Variants in MAPK10 observed in about 807,000 individuals in gnomAD.
The protein encoded by MAPK10 is mitogen-activated protein kinase 10, also known as JNK3 alpha protein kinase.
In MAPK10, 25 loss-of-function variants were observed where a neutral mutation model predicts 59.3. The observed-to-expected ratio is 0.42, with a 90% CI of 0.31 to 0.59. MAPK10 has a LOEUF of 0.59. Among genes scored for constraint, MAPK10 ranks in the 20% least tolerant of loss-of-function variants. MAPK10 has a pLI of 0.15. For missense variants in MAPK10, 351 were observed against 568.9 expected (o/e 0.62, Z 3.90); for synonymous variants, 190 against 200.5 (o/e 0.95, Z 0.44).
intron 11 of MAPK10, among the ~76,000 whole-genome samples, chr4:86,035,520 A>AG (rs1469267980): frequency 1.3e-5 from 2 of 151,892 alleles, no homozygotes; most frequent in Non-Finnish European, 2.9e-5. Context: ...GAGAAGAGGT[A>AG]GGGAGCCATT....
chr4:86,114,977 A>G (rs868802842), intron 4 of MAPK10, among the ~76,000 whole-genome samples: 10 of 152,244 alleles, frequency 6.6e-5, no homozygotes, highest in African/African-American at 2.4e-4. Context: ...ATGTGCTGCT[A>G]TGGGAAATTC....
At chr4:86,081,114 T>G (rs925489351) in intron 9 of MAPK10, 1 of 151,858 alleles carries the variant, frequency 6.6e-6, no homozygotes, top group Non-Finnish European at 1.5e-5. Context: ...GGACTTAACA[T>G]CCCCCTGCAA....
At chr4:86,256,424 T>A (rs1318835312) in intron 2 of MAPK10, among the ~76,000 whole-genome samples, 8 of 152,170 alleles carry the variant, frequency 5.3e-5, no homozygotes. Context: ...AATTATCCTG[T>A]TTTAAAATTG....
chr4:86,545,220 T>C (rs1002643932), intron 1 of MAPK10, among the ~76,000 whole-genome samples: 1 of 152,256 alleles, frequency 6.6e-6, no homozygotes, highest in Non-Finnish European at 1.5e-5. Context: ...CTTGTTTACA[T>C]GAAAATGTTC....
intron 1 of MAPK10, among the ~76,000 whole-genome samples, chr4:86,459,937 T>C (rs1751583515): frequency 6.6e-6 from 1 of 151,826 alleles, no homozygotes; most frequent in African/African-American, 2.4e-5. Flanking sequence ...AATTAAAAAA[T>C]AAACTTCTAA....
chr4:86,090,852 A>G (rs1228700106), intron 9 of MAPK10: 1 of 152,138 alleles, frequency 6.6e-6, no homozygotes, highest in African/African-American at 2.4e-5. Flanking sequence ...TAGAAAAAAA[A>G]TGGTTTCTGC....
intron 1 of MAPK10, among the ~76,000 whole-genome samples, chr4:86,393,929 G>A (rs1260396695): frequency 6.6e-6 from 1 of 152,164 alleles, no homozygotes; most frequent in Non-Finnish European, 1.5e-5. Context: ...AACATTAAGA[G>A]CATAACACTT....
chr4:86,507,646 AT>A (rs1755871891), intron 1 of MAPK10, among the ~76,000 whole-genome samples: 1 of 90,540 alleles, frequency 1.1e-5, no homozygotes, highest in African/African-American at 4.5e-5. Flanking sequence ...ATATATATAT[AT>A]ATATATATAT....
chr4:86,519,505 G>A (rs766442771), intron 1 of MAPK10, among the ~76,000 whole-genome samples: 43 of 152,248 alleles, frequency 2.8e-4, no homozygotes, highest in Non-Finnish European at 5.6e-4. Flanking sequence ...TTAAGTTTAT[G>A]TGAGTCCTTA....
chr4:86,458,114 A>G (rs939435779), upstream of MAPK10: 4 of 152,266 alleles, frequency 2.6e-5, no homozygotes, highest in African/African-American at 9.7e-5. Flanking sequence ...CCTGGCCAAC[A>G]TGGTGAAACT....
Position 86,411,167 on chromosome 4 carries a change from T to C in MAPK10, c.-122+41863A>G, listed in dbSNP as rs1564821274. On this transcript the variant is annotated intron_variant, in intron 1 of 13. Coordinates refer to the MAPK10 transcript ENST00000361569. ...CTTAATTTTGTTGTTTACCCAGTAG[T>C]GAATCAGGAGCAGGTTGTTCAGTTT... Among the ~76,000 whole-genome samples, 3 of 152,242 alleles carry C rather than the reference T, an allele frequency of 2.0e-5. 1 individual carries two copies. The highest frequency in any genetic ancestry group is 1.3e-4 in the Admixed American group (2 of 15,292).
chr4:86,321,723 C>G (rs1464659490), intron 2 of MAPK10: 3 of 151,666 alleles, frequency 2.0e-5, no homozygotes, highest in African/African-American at 7.3e-5. Flanking sequence ...TACCCTAAAA[C>G]TCAAAGTATA....
At chr4:86,544,930 C>T (rs1172711044) in intron 1 of MAPK10, among the ~76,000 whole-genome samples, 1 of 150,102 alleles carries the variant, frequency 6.7e-6, no homozygotes, top group Non-Finnish European at 1.5e-5. Context: ...TTCAGACTTG[C>T]TTCCAAAGGA....
chr4:86,058,973 C>G (rs2045192091), intron 11 of MAPK10, among the ~76,000 whole-genome samples: 2 of 152,250 alleles, frequency 1.3e-5, no homozygotes, highest in South Asian at 2.1e-4. Flanking sequence ...TGAAAAGTTG[C>G]TACTCTGAAT....
At chr4:86,413,729 T>A (rs926680103) in intron 1 of MAPK10, among the ~76,000 whole-genome samples, 3 of 152,184 alleles carry the variant, frequency 2.0e-5, no homozygotes, top group Non-Finnish European at 4.4e-5. Flanking sequence ...GAGCCAGGCA[T>A]GGGACTGTAT....
chr4:86,194,146 C>T, intron 3 of MAPK10, 190 bp downstream of exon 3: 5 of 573,068 alleles, frequency 8.7e-6, no homozygotes, highest in Non-Finnish European at 1.5e-5. Flanking sequence ...CACTCGTCTT[C>T]TGCGTTGATC....
intron 1 of MAPK10, among the ~76,000 whole-genome samples, chr4:86,397,864 CA>C (rs759585442): frequency 0.15 from 7,702 of 51,694 alleles, 96 homozygotes; most frequent in East Asian, 0.24. Context: ...TCTGCTATGG[CA>C]AAAAAAAAAA....
chr4:86,527,340 A>AAAAAAAAAAAAAAAAAAAAAAAAAG, intron 1 of MAPK10, among the ~76,000 whole-genome samples: 1 of 146,834 alleles, frequency 6.8e-6, no homozygotes, highest in Middle Eastern at 3.5e-3. Context: ...AAAAAAAAAA[A>AAAAAAAAAAAAAAAAAAAAAAAAAG]GTAGGCAAAG....
chr4:86,557,780 G>A (rs905769820), intron 1 of MAPK10, among the ~76,000 whole-genome samples: 4 of 151,962 alleles, frequency 2.6e-5, no homozygotes, highest in East Asian at 1.9e-4. Context: ...AAGAAACTCC[G>A]TATGCCATTG....
Sources: gnomAD v4.1 joint callset for allele counts (sites outside exome capture counted in the v4.1 genomes callset) on GRCh38, gnomAD v4.1.1 for gene constraint, MANE v1.5 for transcripts, NCBI Gene and HGNC (gene_info 2026-07-23, HGNC 2026-07-21) for gene names.